The following COL12A1 variants were observed in gnomAD, a reference collection of about 807,000 sequenced individuals.
COL12A1 encodes collagen type XII alpha 1 chain, also known as collagen alpha-1(XII) chain.
In COL12A1, 114 loss-of-function variants were observed where a neutral mutation model predicts 349.7. The ratio of observed to expected loss-of-function variants is 0.33; its 90% CI spans 0.28 to 0.38. COL12A1 has a LOEUF of 0.38. COL12A1 is among the 10% of genes least tolerant of loss of function. COL12A1 has a pLI of 1.00. For missense variants in COL12A1, 3,284 were observed against 3,756.9 expected (o/e 0.87, Z 3.29); for synonymous variants, 1,369 against 1,329.0 (o/e 1.03, Z -0.66).
rs777711709 is a variant in COL12A1 at position 75,183,447 on chromosome 6, G to A, written c.1494C>T (p.Thr498=). Residue 498 remains threonine, a synonymous_variant, in exon 10 of 66, where the codon ACC becomes ACT. Transcript: ENST00000322507. The part of the protein sequence containing the change: ...PHTEFTLKKF[T]KVEDIIEAIN... ...TTGCTTCAATTATATCTTCAACTTT[G>A]GTGAATTTTTTCAAAGTGAACTCAG... The A allele has an allele frequency of 7.4e-6, 12 of 1,614,120 alleles. No individual in the cohort carries two copies. The highest frequency in any genetic ancestry group is 1.0e-5 in the Non-Finnish European group (12 of 1,180,026).
In COL12A1 at chr6:75,143,235, T is replaced by C; in HGVS notation, c.4827+17A>G. The C allele has an allele frequency of 2.5e-6, 4 of 1,613,194 alleles. No individual in the cohort carries two copies. The South Asian group carries it at 4.4e-5, about 18-fold the overall frequency. Reference sequence around the variant, plus strand: ...GGAAAACAAATATTTTCATATCTACTATCATCTTCAACCTACCTCTTTGAC... The same window carrying C: ...GGAAAACAAATATTTTCATATCTACCATCATCTTCAACCTACCTCTTTGAC... On this transcript the variant is annotated intron_variant, in intron 26 of 65. Transcript: ENST00000322507.
At chr6:75,152,554 T>C in intron 17 of COL12A1, 72 bp from the exon 18 acceptor site, 1 of 1,549,086 alleles carries the variant, frequency 6.5e-7, no homozygotes, top group Non-Finnish European at 8.8e-7. Context: ...GTCACACCTC[T>C]ACCACTCCCT....
At chr6:75,097,452 C>G (rs1241241322) in intron 58 of COL12A1, 146 bp from the exon 59 acceptor site, 1 of 501,092 alleles carries the variant, frequency 2.0e-6, no homozygotes, top group African/African-American at 1.9e-5. Flanking sequence ...AATAAAAAGA[C>G]AAACAGCAAA....
At chr6:75,133,768 AG>A in intron 33 of COL12A1, 89 bp downstream of exon 33, 1 of 1,473,856 alleles carries the variant, frequency 6.8e-7, no homozygotes, top group South Asian at 1.2e-5. Context: ...TCAGCTCTAA[AG>A]CAAACTGGTT....
chr6:75,137,727 T>A, intron 30 of COL12A1, 148 bp from the exon 31 acceptor site: 1 of 854,720 alleles, frequency 1.2e-6, no homozygotes, highest in Non-Finnish European at 1.8e-6. Flanking sequence ...TATTGATTCT[T>A]AAATGACTCC....
rs150204557 is a variant in COL12A1, at chr6:75,102,473, T to A, written c.8415+124A>T. 3.7e-3 allele frequency: 2,308 copies of A among 621,824 alleles called. 9 individuals are homozygous for A. Among genetic ancestry groups the A allele is most frequent in the Non-Finnish European group, 5.1e-3 (2,042 of 397,468 alleles). The allele number at this position is 621,824 out of a possible 1,614,324, so 38.5% of individuals were successfully genotyped here. ...ATAACAGTCATCATAGAGGCTGCTA[T>A]CTCGGTGACTAACCTCGTTGAATTA... On this transcript the variant is annotated intron_variant, in intron 56 of 65. Transcript: ENST00000322507.
chr6:75,102,189 T>A (rs893865108), intron 56 of COL12A1, 137 bp from the exon 57 acceptor site: 1 of 798,828 alleles, frequency 1.3e-6, no homozygotes, highest in Non-Finnish European at 2.0e-6. Context: ...AGAAGGGTAT[T>A]TTTGAAAGGA....
At chr6:75,108,533 G>T (rs775052570) in intron 52 of COL12A1, among the ~76,000 whole-genome samples, 12 of 152,174 alleles carry the variant, frequency 7.9e-5, no homozygotes, top group Non-Finnish European at 1.8e-4. Flanking sequence ...AATGGGGTCA[G>T]CTGGCTGCCC....
chr6:75,137,389 G>A (rs1463221555), intron 31 of COL12A1, 48 bp downstream of exon 31: 1 of 1,498,336 alleles, frequency 6.7e-7, no homozygotes, highest in Non-Finnish European at 9.0e-7. Flanking sequence ...AGAGTTTGAA[G>A]AGAAATGGTA....
intron 51 of COL12A1, among the ~76,000 whole-genome samples, chr6:75,111,782 T>C (rs1357940136): frequency 6.6e-6 from 1 of 151,720 alleles, no homozygotes; most frequent in Non-Finnish European, 1.5e-5. Flanking sequence ...AACCTTTAAG[T>C]AGATATACGA....
chr6:75,187,319 G>A (rs1217867909), intron 8 of COL12A1, among the ~76,000 whole-genome samples: 2 of 151,776 alleles, frequency 1.3e-5, no homozygotes, highest in African/African-American at 4.8e-5. Context: ...CAGCAGAAGA[G>A]AGAAGACACT....
chr6:75,198,141 T>C (rs987562130), intron 2 of COL12A1, among the ~76,000 whole-genome samples: 8 of 152,200 alleles, frequency 5.3e-5, no homozygotes, highest in African/African-American at 1.9e-4. Flanking sequence ...CTAGATTAAA[T>C]GCAAAGTAGA....
At chr6:75,127,783 G>T (rs188194155) in intron 38 of COL12A1, among the ~76,000 whole-genome samples, 2 of 152,108 alleles carry the variant, frequency 1.3e-5, no homozygotes, top group African/African-American at 2.4e-5. Flanking sequence ...GTAAAAATGG[G>T]TCTGAACATT....
In COL12A1 at chr6:75,133,519, A is replaced by C. The variant is rs1582104208; in HGVS notation, c.5665-97T>G. The C allele has an allele frequency of 4.9e-6, 6 of 1,237,088 alleles. No homozygotes were observed. In the South Asian group the frequency reaches 6.4e-5, roughly 13 times the overall value. The allele number at this position is 1,237,088 out of a possible 1,614,324, so 76.6% of individuals were successfully genotyped here. The stretch of plus-strand genomic sequence containing the variant: ...AATACCAACTCAAGACCAAGTCAAG[A>C]AGTAGGTTCTGTAATATTAGGATGT... On this transcript the variant is annotated intron_variant, in intron 33 of 65. Coordinates refer to ENST00000322507, the MANE Select transcript of COL12A1 (RefSeq NM_004370.6).
chr6:75,202,471 A>G (rs1289068948), intron 2 of COL12A1, among the ~76,000 whole-genome samples: 1 of 152,224 alleles, frequency 6.6e-6, no homozygotes, highest in African/African-American at 2.4e-5. Context: ...AGCACACCGC[A>G]GAGACAAGCT....
At chr6:75,141,464 C>T (rs1452042613) in intron 27 of COL12A1, among the ~76,000 whole-genome samples, 4 of 152,160 alleles carry the variant, frequency 2.6e-5, no homozygotes, top group Non-Finnish European at 5.9e-5. Context: ...GCAGGCTGCC[C>T]GGTATCCCCC....
chr6:75,126,720 G>A (rs1047463372), intron 38 of COL12A1, among the ~76,000 whole-genome samples: 7 of 152,150 alleles, frequency 4.6e-5, no homozygotes, highest in Admixed American at 3.3e-4. Context: ...GCAGGAAGCA[G>A]TATCCAGAGC....
chr6:75,144,025 G>A lies in COL12A1; in HGVS notation c.4691-637C>T, dbSNP rs141404083. Reference sequence around the variant, plus strand: ...CTCTTTCCAGCTGCCCATTTGACTAGTTTAACTTGTCTCTCATTCTGACTC... The same window carrying A: ...CTCTTTCCAGCTGCCCATTTGACTAATTTAACTTGTCTCTCATTCTGACTC... On this transcript the variant is annotated intron_variant, in intron 25 of 65. Transcript: ENST00000322507. Among the ~76,000 whole-genome samples, 8 of 152,316 alleles carry A rather than the reference G, an allele frequency of 5.3e-5. No individual in the cohort carries two copies. In the East Asian group the frequency reaches 1.5e-3, roughly 29 times the overall value.
At position 75,197,175 on chromosome 6, in the gene COL12A1, T is replaced by C. The variant is rs186415567; in HGVS notation, c.74-2228A>G. Among the ~76,000 whole-genome samples, 715 of 152,308 alleles carry C rather than the reference T, an allele frequency of 4.7e-3. 4 individuals carry two copies. The highest frequency in any genetic ancestry group is 0.016 in the African/African-American group (672 of 41,580). ...AGTGTATGACCCGTGTCAACATAAA[T>C]CAGTGCTGAAAAATGTACTTTATTA... On this transcript the variant is annotated intron_variant, in intron 2 of 65. Transcript: ENST00000322507.
Sources: gnomAD v4.1 joint callset for allele counts (sites outside exome capture counted in the v4.1 genomes callset) on GRCh38, gnomAD v4.1.1 for gene constraint, MANE v1.5 for transcripts, NCBI Gene and HGNC (gene_info 2026-07-23, HGNC 2026-07-21) for gene names.